The following ERCC1 variants were observed in gnomAD, a reference collection of about 807,000 sequenced individuals.
The protein encoded by ERCC1 is DNA excision repair protein ERCC-1.
A neutral mutation model predicts 37.6 loss-of-function variants in ERCC1; 36 were observed. The observed-to-expected ratio is 0.96, with a 90% CI of 0.73 to 1.26. The LOEUF is 1.26. ERCC1 is among the 50% of genes most tolerant of loss of function. The pLI, the probability that ERCC1 is intolerant of heterozygous loss-of-function variation, is 0.00. For synonymous variants in ERCC1, 156 were observed against 162.1 expected (o/e 0.96, Z 0.28); for missense variants, 349 against 376.5 (o/e 0.93, Z 0.60).
chr19:45,446,041 A>C (rs1391098146), intron 1 of ERCC1, among the ~76,000 whole-genome samples: 1 of 150,836 alleles, frequency 6.6e-6, no homozygotes. Flanking sequence ...GGCTCGTGCC[A>C]CCACGCCTGG....
intron 2 of ERCC1, 77 bp from the exon 3 acceptor site, chr19:45,421,470 C>T (rs1357606711): frequency 2.9e-6 from 3 of 1,044,882 alleles, no homozygotes; most frequent in Non-Finnish European, 4.2e-6. Context: ...AGTTCCTCTC[C>T]CCTTTCTTTT....
At chr19:45,450,887 G>GCCC (rs56670394) in intron 1 of ERCC1, among the ~76,000 whole-genome samples, 1 of 59,358 alleles carries the variant, frequency 1.7e-5, no homozygotes. Flanking sequence ...CCGTGCGCCC[G>GCCC]CCCCCCCCCC....
At position 45,423,811 on chromosome 19, in the gene ERCC1, G is replaced by A. The variant is rs779441702; in HGVS notation, c.-38C>T. 17 of 1,129,004 alleles carry A rather than the reference G, an allele frequency of 1.5e-5. No individual in the cohort carries two copies. Among genetic ancestry groups the A allele is most frequent in the Non-Finnish European group, 1.7e-5 (16 of 914,564 alleles). 69.9% of individuals were successfully genotyped at this position (1,129,004 alleles called of 1,614,324 possible). A position where few individuals can be genotyped will look rare whatever the true frequency, so the allele number is the denominator to read the frequency against. On this transcript the variant is annotated 5_prime_UTR_variant, in exon 1 of 10. Transcript: ENST00000300853. The stretch of plus-strand genomic sequence containing the variant: ...GTCCGGGCCTCACGGTTTCAGCGCC[G>A]CGAGGCCTCACCTGCTGGTCTTGGA...
intron 5 of ERCC1, 76 bp from the exon 6 acceptor site, chr19:45,416,973 T>C (rs898483866): frequency 8.5e-6 from 9 of 1,059,180 alleles, no homozygotes; most frequent in Admixed American, 1.9e-5. Flanking sequence ...GGCAGGTGCC[T>C]GTAATCCCAG....
Position 45,416,904 on chromosome 19 carries a change from G to A in ERCC1, c.526-7C>T, listed in dbSNP as rs779699829. ...GGGCCTGCTGGGGATCTTTCTGGAG[G>A]AGAAAATCAGAATTAGAAACCTAGA... On this transcript the variant is annotated splice_polypyrimidine_tract_variant and splice_region_variant and intron_variant, in intron 5 of 9. Coordinates refer to ENST00000300853, the MANE Select transcript of ERCC1 (RefSeq NM_001983.4). 18 of 1,607,984 alleles carry A rather than the reference G, an allele frequency of 1.1e-5. No homozygotes were observed. The highest frequency in any genetic ancestry group is 1.5e-5 in the Non-Finnish European group (18 of 1,174,904).
At chr19:45,442,027 G>A (rs1478865425) in intron 1 of ERCC1, among the ~76,000 whole-genome samples, 1 of 151,466 alleles carries the variant, frequency 6.6e-6, no homozygotes, top group African/African-American at 2.4e-5. Flanking sequence ...CTGTTTAGAG[G>A]CCAGGTGCGG....
chr19:45,407,972 T>G lies in ERCC1; in HGVS notation c.*1703A>C. On this transcript the variant is annotated 3_prime_UTR_variant, in exon 10 of 10. Transcript: ENST00000300853. ...GAGAGGCTGAGGCAGGAGAATCGCT[T>G]GAACCCAGGAGGTGGACATTGCAGT... 1 of 935,950 alleles carries G rather than the reference T, an allele frequency of 1.1e-6. No homozygotes were observed. Among genetic ancestry groups the G allele is most frequent in the Non-Finnish European group, 1.5e-6 (1 of 663,100 alleles). 58.0% of individuals were successfully genotyped at this position (935,950 alleles called of 1,614,324 possible).
intron 5 of ERCC1, among the ~76,000 whole-genome samples, 180 bp downstream of exon 5, chr19:45,418,918 T>C (rs1209530950): frequency 1.3e-5 from 2 of 151,798 alleles, no homozygotes; most frequent in African/African-American, 4.8e-5. Context: ...AAAGAGGAAA[T>C]AGACAATTTT....
In ERCC1 at chr19:45,420,415, C is replaced by A; in HGVS notation, c.334G>T (p.Val112Leu). The A allele has an allele frequency of 6.2e-7, 1 of 1,612,530 alleles. No homozygotes were observed. ...IVSPRQRGNP[V>L]LKFVRNVPWE... ...GGCACATTGCGCACGAACTTCAGTA[C>A]GGGATTGCCCCTCTGGGGAGGGACG... The change falls in exon 4 of 10, where the codon GTA becomes TTA. Residue 112 changes from valine (V) to leucine (L), a missense_variant. By Grantham distance (32) the Val-to-Leu change is conservative. Coordinates refer to ENST00000300853, the MANE Select transcript of ERCC1 (RefSeq NM_001983.4). This position sits in a 1 kb window ranked among gnomAD's most constrained non-coding sequence, Gnocchi z 4.8.
At chr19:45,434,355 G>A (rs1974918773) in intron 1 of ERCC1, among the ~76,000 whole-genome samples, 1 of 151,462 alleles carries the variant, frequency 6.6e-6, no homozygotes, top group Non-Finnish European at 1.5e-5. Flanking sequence ...GCATGGCTTG[G>A]TGGCATGTGC....
chr19:45,435,116 C>G (rs1400434586), intron 1 of ERCC1, among the ~76,000 whole-genome samples: 1 of 151,764 alleles, frequency 6.6e-6, no homozygotes, highest in African/African-American at 2.4e-5. Flanking sequence ...ACGGGGTTTC[C>G]CCATGTTGGC....
Position 45,419,781 on chromosome 19 carries a change from A to G in ERCC1, c.425+543T>C, listed in dbSNP as rs573329858. Among the ~76,000 whole-genome samples, 26 of 152,230 alleles carry G rather than the reference A, an allele frequency of 1.7e-4. No individual in the cohort carries two copies. In the East Asian group the frequency reaches 5.0e-3, roughly 29 times the overall value. ...ATCCTGCTTCTCATCAACTCCAGTC[A>G]AGGATGTCTGGGACATGAGTGACCC... is the stretch of plus-strand genomic sequence containing the variant. On this transcript the variant is annotated intron_variant, in intron 4 of 9. Coordinates refer to ENST00000300853, the MANE Select transcript of ERCC1 (RefSeq NM_001983.4).
intron 8 of ERCC1, 58 bp from the exon 9 acceptor site, chr19:45,413,803 G>T: frequency 6.2e-7 from 1 of 1,607,866 alleles, no homozygotes; most frequent in Non-Finnish European, 8.5e-7. Context: ...CCCTGTCCCA[G>T]CTGAGGAGGG....
At chr19:45,418,091 G>C (rs758640534) in intron 5 of ERCC1, among the ~76,000 whole-genome samples, 17 of 151,982 alleles carry the variant, frequency 1.1e-4, no homozygotes, top group African/African-American at 4.1e-4. Context: ...CACCTGGTGG[G>C]GGTGGCTCAC....
intron 1 of ERCC1, among the ~76,000 whole-genome samples, chr19:45,442,829 T>C (rs1975155693): frequency 6.6e-6 from 1 of 152,028 alleles, no homozygotes; most frequent in Non-Finnish European, 1.5e-5. Context: ...TTTGGCAGGC[T>C]GAGGAACCAC....
chr19:45,442,094 T>C (rs1052803539), intron 1 of ERCC1, among the ~76,000 whole-genome samples: 5 of 151,956 alleles, frequency 3.3e-5, no homozygotes, highest in African/African-American at 1.2e-4. Flanking sequence ...GGAGGATTGC[T>C]TGAGCCCAGG....
chr19:45,420,795 G>C lies in ERCC1; in HGVS notation c.322-368C>G, dbSNP rs1216755007. ...CTGCCCTCACGCCCAGCAACTTTTT[G>C]TGTTTTTAGTAGAGATGGGGTGTCA... On this transcript the variant is annotated intron_variant, in intron 3 of 9. Coordinates refer to ENST00000300853, the MANE Select transcript of ERCC1 (RefSeq NM_001983.4). The surrounding 1 kb of genome is among the most constrained non-coding windows in gnomAD (Gnocchi z 4.8). Among the ~76,000 whole-genome samples, 1 of 152,040 alleles carries C rather than the reference G, an allele frequency of 6.6e-6. No homozygotes were observed. The highest frequency in any genetic ancestry group is 1.5e-5 in the Non-Finnish European group (1 of 68,012).
chr19:45,443,577 C>T (rs1010373916), intron 1 of ERCC1, among the ~76,000 whole-genome samples: 3 of 152,138 alleles, frequency 2.0e-5, no homozygotes, highest in African/African-American at 7.2e-5. Context: ...GGGATGGGGG[C>T]GGAGAGGAAC....
chr19:45,438,712 G>A (rs577973528), intron 1 of ERCC1, among the ~76,000 whole-genome samples: 6 of 152,008 alleles, frequency 3.9e-5, no homozygotes, highest in Non-Finnish European at 2.9e-5. Context: ...CTGGATCTCG[G>A]CTCAGCGTGA....
Sources: allele counts gnomAD v4.1 joint callset (sites outside exome capture counted in the v4.1 genomes callset), GRCh38; gene constraint gnomAD v4.1.1; non-coding constraint Gnocchi (gnomAD v3.1); transcripts MANE v1.5; gene names NCBI Gene and HGNC (gene_info 2026-07-23, HGNC 2026-07-21).